Variants in TRIQK observed in about 807,000 individuals in gnomAD.
The protein encoded by TRIQK is triple QxxK/R motif-containing protein.
In TRIQK, 10 loss-of-function variants were observed where a neutral mutation model predicts 10.8. The ratio of observed to expected loss-of-function variants is 0.92; its 90% CI spans 0.57 to 1.57. The LOEUF is 1.57. Among genes scored for constraint, TRIQK ranks in the 40% most tolerant of loss-of-function variants. TRIQK has a pLI of 0.00. For synonymous variants in TRIQK, 33 were observed against 33.7 expected (o/e 0.98, Z 0.07); for missense variants, 107 against 97.7 (o/e 1.09, Z -0.40).
chr8:92,938,711 C>T (rs1458862987), intron 2 of TRIQK, among the ~76,000 whole-genome samples: 1 of 152,112 alleles, frequency 6.6e-6, no homozygotes, highest in African/African-American at 2.4e-5. Context: ...TTCACTCTGC[C>T]TTTCATTTTG....
intron 1 of TRIQK, among the ~76,000 whole-genome samples, chr8:93,005,204 G>A (rs764197896): frequency 1.1e-4 from 17 of 152,188 alleles, no homozygotes; most frequent in Non-Finnish European, 2.5e-4. Flanking sequence ...AGACATGGCT[G>A]GAGAGGCCTC....
intron 1 of TRIQK, among the ~76,000 whole-genome samples, chr8:93,009,357 T>A (rs1340337544): frequency 2.0e-5 from 3 of 152,036 alleles, no homozygotes; most frequent in Admixed American, 6.6e-5. Flanking sequence ...TGCCTGTAAT[T>A]GCAGCACTTT....
intron 4 of TRIQK, among the ~76,000 whole-genome samples, chr8:92,888,587 T>C (rs1359963246): frequency 6.6e-6 from 1 of 151,546 alleles, no homozygotes; most frequent in Non-Finnish European, 1.5e-5. Flanking sequence ...TGGTAAAATT[T>C]GAAAATAATG....
intron 4 of TRIQK, among the ~76,000 whole-genome samples, chr8:92,887,845 T>G (rs1007403220): frequency 2.0e-5 from 3 of 151,700 alleles, no homozygotes; most frequent in African/African-American, 7.2e-5. Context: ...ATTTTTAGCT[T>G]CATAATTACA....
intron 2 of TRIQK, among the ~76,000 whole-genome samples, chr8:92,949,007 A>G (rs1811693066): frequency 6.6e-6 from 1 of 152,202 alleles, no homozygotes; most frequent in South Asian, 2.1e-4. Context: ...CCAGGCTCAA[A>G]TGAGGCAAAC....
intron 1 of TRIQK, among the ~76,000 whole-genome samples, chr8:92,977,616 A>G (rs1389628257): frequency 6.6e-6 from 1 of 152,038 alleles, no homozygotes; most frequent in Non-Finnish European, 1.5e-5. Flanking sequence ...TACTAACTAT[A>G]TTATCTAAAT....
At chr8:92,887,103 G>A (rs1479631354) in intron 4 of TRIQK, among the ~76,000 whole-genome samples, 1 of 151,256 alleles carries the variant, frequency 6.6e-6, no homozygotes, top group African/African-American at 2.4e-5. Flanking sequence ...CTATTTGAGT[G>A]TGTTTAACTT....
rs189287236 is a variant in TRIQK, at chr8:92,918,564, T to G, written c.-21-1554A>C. On this transcript the variant is annotated intron_variant, in intron 2 of 4. Coordinates refer to ENST00000521988, the MANE Select transcript of TRIQK (RefSeq NM_001171797.2). ...TTCAGATCTTTTGCCCATTTTTAATTGAATTGTGTTTTGCTATTGAGTTGT... is the reference window on the plus strand; with the variant it reads ...TTCAGATCTTTTGCCCATTTTTAATGGAATTGTGTTTTGCTATTGAGTTGT... Among the ~76,000 whole-genome samples, 656 of 152,072 alleles carry G rather than the reference T, an allele frequency of 4.3e-3. 3 individuals are homozygous for G. The highest frequency in any genetic ancestry group is 0.02 in the Middle Eastern group (6 of 294).
At chr8:92,919,604 T>C (rs2130478341) in intron 2 of TRIQK, among the ~76,000 whole-genome samples, 1 of 152,014 alleles carries the variant, frequency 6.6e-6, no homozygotes, top group East Asian at 1.9e-4. Flanking sequence ...TATTCCTTTT[T>C]TTTATTGTGT....
At chr8:92,977,075 C>T (rs1179224896) in intron 1 of TRIQK, among the ~76,000 whole-genome samples, 5 of 151,878 alleles carry the variant, frequency 3.3e-5, no homozygotes, top group Admixed American at 3.3e-4. Context: ...ATTTCCAGTG[C>T]TCTTTGTTCC....
rs570198902 is a variant in TRIQK at position 92,932,798 on chromosome 8, T to A, written c.-21-15788A>T. 2.6e-5 allele frequency among the ~76,000 whole-genome samples: 4 copies of A among 152,304 alleles called. No homozygotes were observed. The South Asian group carries it at 8.3e-4, about 32-fold the overall frequency. ...CTCATAGATATTTTTATTCAATTAGTTAGAATTAATGTATATCATTTTTAA... is the reference window on the plus strand; with the variant it reads ...CTCATAGATATTTTTATTCAATTAGATAGAATTAATGTATATCATTTTTAA... On this transcript the variant is annotated intron_variant, in intron 2 of 4. Coordinates refer to ENST00000521988, the MANE Select transcript of TRIQK (RefSeq NM_001171797.2).
chr8:92,958,763 ACTT>A (rs892969759), intron 1 of TRIQK, among the ~76,000 whole-genome samples: 10 of 152,052 alleles, frequency 6.6e-5, no homozygotes, highest in South Asian at 2.1e-4. Flanking sequence ...GAGTTGGAAA[ACTT>A]CTTCTGCTTT....
chr8:92,986,181 T>A (rs544767316), intron 1 of TRIQK, among the ~76,000 whole-genome samples: 55 of 152,268 alleles, frequency 3.6e-4, no homozygotes, highest in African/African-American at 1.3e-3. Context: ...TATAACTTCA[T>A]GTATACTAAC....
chr8:92,901,027 T>C (rs1808907721), intron 3 of TRIQK, among the ~76,000 whole-genome samples: 1 of 152,160 alleles, frequency 6.6e-6, no homozygotes, highest in Non-Finnish European at 1.5e-5. Flanking sequence ...TTTCTTGATT[T>C]TTTTTCAGAC....
At chr8:92,995,955 T>C (rs954135000) in intron 1 of TRIQK, among the ~76,000 whole-genome samples, 2 of 152,072 alleles carry the variant, frequency 1.3e-5, no homozygotes, top group Non-Finnish European at 2.9e-5. Context: ...ATAGATATAA[T>C]TGGCTTCTTG....
chr8:92,918,976 A>G (rs1810022733), intron 2 of TRIQK, among the ~76,000 whole-genome samples: 1 of 151,798 alleles, frequency 6.6e-6, no homozygotes, highest in Admixed American at 6.6e-5. Context: ...TATTAAAGAG[A>G]CAATCGTTTC....
intron 1 of TRIQK, among the ~76,000 whole-genome samples, chr8:93,007,424 A>G (rs1274351653): frequency 6.6e-6 from 1 of 152,252 alleles, no homozygotes; most frequent in Non-Finnish European, 1.5e-5. Flanking sequence ...GAAGATGAGA[A>G]AGACTCAACG....
chr8:92,950,622 T>C (rs1482317622), intron 2 of TRIQK, among the ~76,000 whole-genome samples: 1 of 152,092 alleles, frequency 6.6e-6, no homozygotes, highest in Non-Finnish European at 1.5e-5. Context: ...ACTGTTCCTC[T>C]TACTAGAGCA....
upstream of TRIQK, among the ~76,000 whole-genome samples, chr8:92,968,731 G>A (rs1311217329): frequency 6.6e-6 from 1 of 151,928 alleles, no homozygotes; most frequent in East Asian, 1.9e-4. Context: ...ATTGCAAAAG[G>A]TTTCTCCCAT....
Sources: gnomAD v4.1 joint callset for allele counts (sites outside exome capture counted in the v4.1 genomes callset) on GRCh38, gnomAD v4.1.1 for gene constraint, MANE v1.5 for transcripts, NCBI Gene and HGNC (gene_info 2026-07-23, HGNC 2026-07-21) for gene names.